CATSPERT: variants seen among roughly 807,000 people sequenced by gnomAD.
CATSPERT encodes the protein catsper channel auxiliary subunit tau.
the CATSPERT span, among the ~76,000 whole-genome samples, chr2:201,525,235 T>A: frequency 1.8e-4 from 28 of 151,930 alleles, no homozygotes; most frequent in Admixed American, 3.3e-4. Flanking sequence ...TCAGTAAATT[T>A]AAAAAAAATT....
the CATSPERT span, among the ~76,000 whole-genome samples, chr2:201,580,655 A>G: frequency 6.6e-6 from 1 of 152,230 alleles, no homozygotes; most frequent in Non-Finnish European, 1.5e-5. Context: ...GGCTGTTGAC[A>G]TAACCCCATT....
the CATSPERT span, among the ~76,000 whole-genome samples, chr2:201,591,957 C>G: frequency 6.6e-6 from 1 of 152,016 alleles, no homozygotes; most frequent in African/African-American, 2.4e-5. Flanking sequence ...TTCCTCTTTT[C>G]CTAATTGAAT....
chr2:201,540,294 A>G, the CATSPERT span, among the ~76,000 whole-genome samples: 1 of 152,232 alleles, frequency 6.6e-6, no homozygotes, highest in Admixed American at 6.5e-5. Flanking sequence ...AAAAGTGACT[A>G]CACTAAATAG....
At chr2:201,496,061 AT>A in the CATSPERT span, 1 of 840,440 alleles carries the variant, frequency 1.2e-6, no homozygotes, top group Non-Finnish European at 1.8e-6. Context: ...GAGATATAAA[AT>A]TTTTAAACCT....
chr2:201,601,869 T>C, the CATSPERT span: 11 of 1,600,372 alleles, frequency 6.9e-6, no homozygotes, highest in Admixed American at 6.8e-5. Context: ...TAAATTAGCA[T>C]AATGTTGTAA....
chr2:201,507,018 C>G, the CATSPERT span, among the ~76,000 whole-genome samples: 1 of 152,170 alleles, frequency 6.6e-6, no homozygotes. Context: ...CTGTCCAATA[C>G]TGCTTAATAG....
chr2:201,568,882 G>A, the CATSPERT span, among the ~76,000 whole-genome samples: 3 of 152,160 alleles, frequency 2.0e-5, no homozygotes, highest in African/African-American at 7.2e-5. Context: ...ATGCATCCTA[G>A]AACCAGGGAA....
At chr2:201,592,848 T>C in the CATSPERT span, among the ~76,000 whole-genome samples, 1 of 152,240 alleles carries the variant, frequency 6.6e-6, no homozygotes, top group Non-Finnish European at 1.5e-5. Context: ...CATTTTTTAT[T>C]GCATCTATTT....
chr2:201,572,014 G>A, the CATSPERT span: 3 of 1,611,024 alleles, frequency 1.9e-6, no homozygotes, highest in Non-Finnish European at 2.5e-6. Context: ...TTCTGAAGAG[G>A]TTTTAACTGA....
the CATSPERT span, chr2:201,582,192 C>T: frequency 8.8e-5 from 141 of 1,598,614 alleles, no homozygotes; most frequent in Middle Eastern, 1.7e-4. Context: ...AATATTATTC[C>T]GCTTATCATC....
the CATSPERT span, chr2:201,491,520 ATTATTG>A: frequency 6.5e-7 from 1 of 1,535,850 alleles, no homozygotes; most frequent in Non-Finnish European, 8.7e-7. Flanking sequence ...AATGCTTTTT[ATTATTG>A]TTATTATTTC....
the CATSPERT span, chr2:201,618,919 G>C: frequency 6.2e-7 from 1 of 1,613,766 alleles, no homozygotes; most frequent in South Asian, 1.1e-5. Context: ...CCGGTGCCCG[G>C]TGCCCTCCTG....
the CATSPERT span, among the ~76,000 whole-genome samples, chr2:201,588,874 CA>C: frequency 5.3e-5 from 8 of 152,208 alleles, no homozygotes; most frequent in Admixed American, 1.3e-4. Flanking sequence ...AGTCTCACCC[CA>C]AAAGCTTCTA....
the CATSPERT span, chr2:201,491,067 A>G: frequency 9.9e-7 from 1 of 1,005,784 alleles, no homozygotes; most frequent in Non-Finnish European, 1.4e-6. Context: ...TCTTGGGGGT[A>G]ATTAAGGTTA....
chr2:201,513,518 T>C, the CATSPERT span, among the ~76,000 whole-genome samples: 524 of 152,308 alleles, frequency 3.4e-3, no homozygotes, highest in African/African-American at 0.011. Flanking sequence ...GAAAGCACTT[T>C]AGGAATTTCT....
the CATSPERT span, chr2:201,493,119 G>A: frequency 6.5e-7 from 1 of 1,526,954 alleles, no homozygotes; most frequent in Non-Finnish European, 8.8e-7. Context: ...CATTGAAGAT[G>A]TTTTTTAAAA....
chr2:201,579,880 C>T, the CATSPERT span, among the ~76,000 whole-genome samples: 3 of 142,668 alleles, frequency 2.1e-5, no homozygotes, highest in Non-Finnish European at 3.0e-5. Context: ...GAGACAGGGT[C>T]TTGCTCTGTC....
chr2:201,530,817 C>T, the CATSPERT span, among the ~76,000 whole-genome samples: 7 of 152,104 alleles, frequency 4.6e-5, no homozygotes, highest in African/African-American at 1.7e-4. Context: ...GGTTCATCCA[C>T]CTTCAGAGTA....
At chr2:201,506,083 T>C in the CATSPERT span, among the ~76,000 whole-genome samples, 8 of 152,202 alleles carry the variant, frequency 5.3e-5, no homozygotes, top group African/African-American at 1.2e-4. Flanking sequence ...CTGGCTAACA[T>C]GGTGAAACCC....
Sources: gnomAD v4.1 joint callset for allele counts (sites outside exome capture counted in the v4.1 genomes callset) on GRCh38, gnomAD v4.1.1 for gene constraint, MANE v1.5 for transcripts, NCBI Gene and HGNC (gene_info 2026-07-23, HGNC 2026-07-21) for gene names.